Variants in COL6A6 observed in about 807,000 individuals in gnomAD.
The protein encoded by COL6A6 is collagen type VI alpha 6 chain.
In COL6A6, 183 loss-of-function variants were observed where a neutral mutation model predicts 208.6. The ratio of observed to expected loss-of-function variants is 0.88; its 90% CI spans 0.78 to 0.99. COL6A6 has a LOEUF of 0.99. Ranked by LOEUF, COL6A6 falls within the 50% of genes least tolerant of loss-of-function variation. The pLI, the probability that COL6A6 is intolerant of heterozygous loss-of-function variation, is 0.00. For missense variants in COL6A6, 2,816 were observed against 2,815.2 expected, an observed-to-expected ratio of 1.00 and a Z score of -0.01; for synonymous variants, 973 against 1,011.8, an observed-to-expected ratio of 0.96 and a Z score of 0.73.
chr3:130,662,017 A>T lies in COL6A6; in HGVS notation c.6211A>T (p.Asn2071Tyr). 6.2e-7 allele frequency: 1 copy of T among 1,613,994 alleles called. No homozygotes were observed. The highest frequency in any genetic ancestry group is 8.5e-7 in the Non-Finnish European group (1 of 1,179,882). Reference sequence around the variant, plus strand: ...TCATGCCTTACAGTGGACTCTGGACAATGTATTTTTAAGTACACCCAATCT... The same window carrying T: ...TCATGCCTTACAGTGGACTCTGGACTATGTATTTTTAAGTACACCCAATCT... The part of the protein sequence containing the change: ...IGHALQWTLD[N>Y]VFLSTPNLRR... The change falls in exon 35 of 37, where the codon AAT (asparagine) becomes TAT (tyrosine). Residue 2071 changes from asparagine to tyrosine, a missense_variant. Asn to Tyr is a moderately radical substitution (Grantham distance 143). Coordinates refer to ENST00000358511, the MANE Select transcript of COL6A6 (RefSeq NM_001102608.3).
intron 13 of COL6A6, among the ~76,000 whole-genome samples, chr3:130,592,186 A>G (rs2063732487): frequency 1.0e-4 from 1 of 9,540 alleles, no homozygotes; most frequent in Non-Finnish European, 1.9e-4. Flanking sequence ...ACAGATGATG[A>G]TAAGGTGAAG....
chr3:130,555,454 C>T (rs1395017715), intron 1 of COL6A6, among the ~76,000 whole-genome samples: 1 of 152,100 alleles, frequency 6.6e-6, no homozygotes, highest in East Asian at 1.9e-4. Flanking sequence ...TCCCCAGTGT[C>T]CCAGTCCCTT....
intron 1 of COL6A6, among the ~76,000 whole-genome samples, chr3:130,556,514 C>T (rs1055911303): frequency 2.0e-5 from 3 of 152,012 alleles, no homozygotes; most frequent in African/African-American, 7.3e-5. Flanking sequence ...AAATACTTTC[C>T]TTATCCTTAG....
At chr3:130,615,661 T>A (rs886968886) in intron 23 of COL6A6, among the ~76,000 whole-genome samples, 3 of 152,232 alleles carry the variant, frequency 2.0e-5, no homozygotes, top group African/African-American at 7.2e-5. Flanking sequence ...TATTTCGCAT[T>A]CATATCCTTG....
chr3:130,563,383 ACAAGAAACAGTTTCCCC>A lies in COL6A6; in HGVS notation c.384_400del (p.Lys128AsnfsTer9). 6.2e-7 allele frequency: 1 copy of A among 1,614,038 alleles called. No individual in the cohort carries two copies. Among genetic ancestry groups the A allele is most frequent in the East Asian group, 2.2e-5 (1 of 44,876 alleles). On this transcript the variant is annotated frameshift_variant, in exon 3 of 37. Coordinates refer to ENST00000358511, the MANE Select transcript of COL6A6 (RefSeq NM_001102608.3). LOFTEE classifies it high-confidence loss of function. ...TTCTCTGCACCCGCAAATGGGAGAG[ACAAGAAACAGTTTCCCC>A]CAATTCTAGTGGTCCTGGCTTCATC...
chr3:130,579,873 TAGAC>T (rs60093685), intron 8 of COL6A6, among the ~76,000 whole-genome samples: 4,596 of 152,260 alleles, frequency 0.03, 253 homozygotes, highest in African/African-American at 0.1. Context: ...TCACTGTACT[TAGAC>T]ACATGGTTAC....
At chr3:130,582,357 C>T (rs889524836) in intron 10 of COL6A6, among the ~76,000 whole-genome samples, 2 of 152,148 alleles carry the variant, frequency 1.3e-5, no homozygotes, top group African/African-American at 2.4e-5. Flanking sequence ...GTTCCTTTCT[C>T]TCTCGCCCCA....
chr3:130,600,797 G>A (rs1024945044), intron 20 of COL6A6, among the ~76,000 whole-genome samples: 4 of 152,172 alleles, frequency 2.6e-5, no homozygotes, highest in Admixed American at 1.3e-4. Flanking sequence ...GTTGATAGGT[G>A]CAGCAAACAT....
At chr3:130,656,342 C>T (rs2065788722) in intron 33 of COL6A6, among the ~76,000 whole-genome samples, 1 of 152,150 alleles carries the variant, frequency 6.6e-6, no homozygotes, top group Non-Finnish European at 1.5e-5. Flanking sequence ...AGTGACAGAA[C>T]AGCTCAGAGG....
At chr3:130,606,806 T>C in intron 20 of COL6A6, 125 bp from the exon 21 acceptor site, 1 of 615,148 alleles carries the variant, frequency 1.6e-6, no homozygotes, top group South Asian at 3.0e-5. Flanking sequence ...GAAAATTGAA[T>C]GTTGTAAGCA....
chr3:130,584,887 T>TA (rs2063502253), intron 10 of COL6A6, among the ~76,000 whole-genome samples: 1 of 152,192 alleles, frequency 6.6e-6, no homozygotes, highest in African/African-American at 2.4e-5. Flanking sequence ...GTGATGGGAT[T>TA]ACAGGTGTGA....
intron 12 of COL6A6, among the ~76,000 whole-genome samples, chr3:130,590,670 C>T (rs1369284735): frequency 1.3e-5 from 2 of 151,970 alleles, no homozygotes; most frequent in East Asian, 3.9e-4. Context: ...CGGGTTCACG[C>T]CAGTCTCCTG....
intron 8 of COL6A6, among the ~76,000 whole-genome samples, chr3:130,576,849 A>G (rs997323742): frequency 5.3e-5 from 8 of 152,204 alleles, no homozygotes; most frequent in Non-Finnish European, 7.4e-5. Flanking sequence ...AAATCCCAAA[A>G]CAAGGAAATC....
At chr3:130,624,348 A>G (rs995387807) in intron 24 of COL6A6, among the ~76,000 whole-genome samples, 4 of 152,186 alleles carry the variant, frequency 2.6e-5, no homozygotes, top group Non-Finnish European at 5.9e-5. Context: ...AAAAGGGGTT[A>G]ACTTTGTACT....
intron 32 of COL6A6, among the ~76,000 whole-genome samples, chr3:130,647,858 A>G (rs1232526379): frequency 6.6e-6 from 1 of 152,194 alleles, no homozygotes; most frequent in Non-Finnish European, 1.5e-5. Context: ...CCTTTTACCA[A>G]CCAAATCCCA....
At chr3:130,612,646 G>T (rs1014103650) in intron 23 of COL6A6, among the ~76,000 whole-genome samples, 1 of 152,136 alleles carries the variant, frequency 6.6e-6, no homozygotes, top group African/African-American at 2.4e-5. Flanking sequence ...CGCAACACAG[G>T]GTTGACAGCC....
intron 1 of COL6A6, among the ~76,000 whole-genome samples, chr3:130,521,308 A>G (rs1044238090): frequency 2.0e-5 from 3 of 152,222 alleles, no homozygotes; most frequent in African/African-American, 2.4e-5. Flanking sequence ...TCTCCATTAT[A>G]TGCTTCCAAA....
In COL6A6 at chr3:130,645,012, CTT is replaced by C; in HGVS notation, c.5239+12_5239+13del. ...CCAGCTGGCAGGCATGGTGAGTAATCTTTATTTACAGCATGCTTTAATCAAGC... is the reference window on the plus strand; with the variant it reads ...CCAGCTGGCAGGCATGGTGAGTAATCTATTTACAGCATGCTTTAATCAAGC... On this transcript the variant is annotated intron_variant, in intron 32 of 36. Coordinates refer to ENST00000358511, the MANE Select transcript of COL6A6 (RefSeq NM_001102608.3). 6.2e-7 allele frequency: 1 copy of C among 1,610,822 alleles called. No individual in the cohort carries two copies. Among genetic ancestry groups the C allele is most frequent in the Non-Finnish European group, 8.5e-7 (1 of 1,177,118 alleles).
chr3:130,649,494 G>T lies in COL6A6; in HGVS notation c.5665G>T (p.Gly1889Cys). 1 of 1,607,414 alleles carries T rather than the reference G, an allele frequency of 6.2e-7. No individual in the cohort carries two copies. The highest frequency in any genetic ancestry group is 8.5e-7 in the Non-Finnish European group (1 of 1,176,992). ...HSITTAAMEF[G>C]ALEIIPVVIT... is the part of the protein sequence containing the mutation. ...CATCACCACGGCTGCCATGGAGTTC[G>T]GCGCGCTTGAAATCATTCCCGTGGT... The change falls in exon 33 of 37, where the codon GGC becomes TGC. Residue 1889 changes from glycine to cysteine, a missense_variant. By Grantham distance (159) the Gly-to-Cys change is radical. Coordinates refer to ENST00000358511, the MANE Select transcript of COL6A6 (RefSeq NM_001102608.3).
Sources: gnomAD v4.1 joint callset for allele counts (sites outside exome capture counted in the v4.1 genomes callset) on GRCh38, gnomAD v4.1.1 for gene constraint, MANE v1.5 for transcripts, NCBI Gene and HGNC (gene_info 2026-07-23, HGNC 2026-07-21) for gene names.